Variants in XXYLT1 observed in about 807,000 individuals in gnomAD.
The protein encoded by XXYLT1 is UDP-xylose:alpha-xyloside alpha-1,3-xylosyltransferase.
In XXYLT1, 20 loss-of-function variants were observed where a neutral mutation model predicts 28.9. The ratio of observed to expected loss-of-function variants is 0.69; its 90% CI spans 0.49 to 1.00. The LOEUF (loss-of-function observed/expected upper bound fraction) is 1.00, where lower values mean the gene tolerates loss of function less well. XXYLT1 is among the 50% of genes least tolerant of loss of function. The probability of loss-of-function intolerance (pLI) is 0.00; values close to 1 mark genes in which losing one functional copy is unlikely to be tolerated. For missense variants in XXYLT1, 542 were observed against 560.1 expected (o/e 0.97, Z 0.33); for synonymous variants, 257 against 253.8 (o/e 1.01, Z -0.12).
At chr3:195,144,563 G>A (rs6796441) in intron 3 of XXYLT1, among the ~76,000 whole-genome samples, 29,383 of 151,452 alleles carry the variant, frequency 0.19, 3,343 homozygotes, top group East Asian at 0.42. Context: ...TCTTTAGTAG[G>A]GACGGGGTTT....
At chr3:195,189,069 A>G (rs1383101820) in intron 2 of XXYLT1, among the ~76,000 whole-genome samples, 1 of 152,178 alleles carries the variant, frequency 6.6e-6, no homozygotes, top group African/African-American at 2.4e-5. Flanking sequence ...ACACTGAGTG[A>G]TTTACATTGA....
intron 3 of XXYLT1, among the ~76,000 whole-genome samples, chr3:195,112,521 C>T (rs866116835): frequency 0.01 from 1,365 of 136,442 alleles, 5 homozygotes; most frequent in Non-Finnish European, 0.016. Context: ...CACCCACACA[C>T]ACACACAGAG....
chr3:195,172,037 G>A (rs149926135), intron 2 of XXYLT1, among the ~76,000 whole-genome samples: 25 of 152,314 alleles, frequency 1.6e-4, no homozygotes, highest in African/African-American at 4.8e-4. Flanking sequence ...TTTTCCAGGG[G>A]AGCCAGTTTG....
intron 2 of XXYLT1, among the ~76,000 whole-genome samples, chr3:195,193,705 T>C (rs867696444): frequency 6.6e-6 from 1 of 152,180 alleles, no homozygotes; most frequent in South Asian, 2.1e-4. Flanking sequence ...ATCAATGCAA[T>C]AAAATTGGGA....
intron 1 of XXYLT1, among the ~76,000 whole-genome samples, chr3:195,237,180 T>C (rs1398573664): frequency 6.6e-6 from 1 of 151,230 alleles, no homozygotes; most frequent in Non-Finnish European, 1.5e-5. Flanking sequence ...GTTGCAGTCC[T>C]TGTGGCCTGG....
intron 1 of XXYLT1, among the ~76,000 whole-genome samples, chr3:195,239,021 C>T (rs896440286): frequency 6.6e-6 from 1 of 152,252 alleles, no homozygotes; most frequent in Non-Finnish European, 1.5e-5. Flanking sequence ...CAGGAGACAA[C>T]TGCATCCCAT....
intron 2 of XXYLT1, among the ~76,000 whole-genome samples, chr3:195,208,703 A>G (rs1226009779): frequency 6.6e-6 from 1 of 152,114 alleles, no homozygotes; most frequent in Non-Finnish European, 1.5e-5. Flanking sequence ...AAATCACCAA[A>G]AGATGGGTCC....
At chr3:195,114,364 C>T (rs774579758) in intron 3 of XXYLT1, among the ~76,000 whole-genome samples, 1 of 152,140 alleles carries the variant, frequency 6.6e-6, no homozygotes, top group Non-Finnish European at 1.5e-5. Flanking sequence ...CCTGGAGAGC[C>T]GGGAGACACG....
chr3:195,242,971 C>T (rs947640704), intron 1 of XXYLT1, among the ~76,000 whole-genome samples: 6 of 151,956 alleles, frequency 3.9e-5, no homozygotes, highest in Admixed American at 6.5e-5. Flanking sequence ...AAATGCCCAT[C>T]AATGATAGAC....
intron 3 of XXYLT1, among the ~76,000 whole-genome samples, chr3:195,098,814 T>C (rs1160597391): frequency 6.6e-6 from 1 of 152,214 alleles, no homozygotes; most frequent in Non-Finnish European, 1.5e-5. Flanking sequence ...CTCTGCCTCA[T>C]TCCAACACTA....
chr3:195,227,983 C>T (rs1724128319), intron 1 of XXYLT1, among the ~76,000 whole-genome samples: 1 of 152,192 alleles, frequency 6.6e-6, no homozygotes, highest in Non-Finnish European at 1.5e-5. Flanking sequence ...GCAAGTTTTT[C>T]CTGTTGTTCC....
intron 3 of XXYLT1, among the ~76,000 whole-genome samples, chr3:195,117,493 A>G (rs1242404402): frequency 6.6e-6 from 1 of 152,254 alleles, no homozygotes; most frequent in Admixed American, 6.5e-5. Flanking sequence ...AAAAACTTGT[A>G]CATGTATCTA....
At chr3:195,260,564 G>A (rs1725662408) in intron 1 of XXYLT1, among the ~76,000 whole-genome samples, 1 of 152,232 alleles carries the variant, frequency 6.6e-6, no homozygotes, top group African/African-American at 2.4e-5. Flanking sequence ...TCCAGGAGGA[G>A]ACAAGGAGGC....
intron 3 of XXYLT1, among the ~76,000 whole-genome samples, chr3:195,108,080 G>A (rs1170400476): frequency 1.3e-5 from 2 of 152,212 alleles, no homozygotes; most frequent in Admixed American, 1.3e-4. Context: ...CTCCCCATAG[G>A]GGGGTCTGGC....
chr3:195,143,140 C>T (rs1447784503), intron 3 of XXYLT1, among the ~76,000 whole-genome samples: 1 of 152,132 alleles, frequency 6.6e-6, no homozygotes, highest in Admixed American at 6.5e-5. Flanking sequence ...ATGGAATTTT[C>T]AATTACCAAT....
intron 3 of XXYLT1, among the ~76,000 whole-genome samples, chr3:195,074,844 C>T (rs996604398): frequency 2.6e-5 from 4 of 152,204 alleles, no homozygotes; most frequent in Non-Finnish European, 5.9e-5. Context: ...TCTAAGTACC[C>T]GTGTCCCTAG....
chr3:195,259,629 C>G, intron 1 of XXYLT1: 1 of 985,478 alleles, frequency 1.0e-6, no homozygotes, highest in Non-Finnish European at 1.2e-6. Flanking sequence ...GTGCGACAGG[C>G]CTGTAAGGTG....
intron 3 of XXYLT1, among the ~76,000 whole-genome samples, chr3:195,135,427 G>A (rs1219539248): frequency 1.3e-5 from 2 of 152,176 alleles, no homozygotes; most frequent in East Asian, 3.8e-4. Context: ...GGGGCAGGGA[G>A]GTTTGTTCAG....
chr3:195,069,980 T>C lies in XXYLT1; in HGVS notation c.917A>G (p.Tyr306Cys). 2 of 1,610,168 alleles carry C rather than the reference T, an allele frequency of 1.2e-6. No individual in the cohort carries two copies. Among genetic ancestry groups the C allele is most frequent in the Non-Finnish European group, 8.5e-7 (1 of 1,179,810 alleles). ...CTGCGCCGGCTCCAGCAGGCGGCTG[T>C]AGAGCGGGGACTGGCGCATGGCCTC... ...NLEAMRQSPL[Y>C]SRLLEPAQVQ... is the part of the protein sequence containing the mutation. The change falls in exon 4 of 4, where the codon TAC becomes TGC. Residue 306 changes from tyrosine (Y) to cysteine (C), a missense_variant. Physicochemically the swap from Tyr to Cys is radical, Grantham distance 194 (BLOSUM62 -2). Transcript: ENST00000310380.
Sources: gnomAD v4.1 joint callset for allele counts (sites outside exome capture counted in the v4.1 genomes callset) on GRCh38, gnomAD v4.1.1 for gene constraint, MANE v1.5 for transcripts, NCBI Gene and HGNC (gene_info 2026-07-23, HGNC 2026-07-21) for gene names.